HYDIN: variants seen among roughly 807,000 people sequenced by gnomAD.
The protein encoded by HYDIN is axonemal central pair apparatus protein HYDIN.
A neutral mutation model predicts 403.9 loss-of-function variants in HYDIN; 132 were observed. The ratio of observed to expected loss-of-function variants is 0.33; its 90% CI spans 0.28 to 0.38. The LOEUF (loss-of-function observed/expected upper bound fraction) is 0.38. HYDIN is among the 10% of genes least tolerant of loss of function. The pLI is 1.00. For synonymous variants in HYDIN, 1,202 were observed against 1,891.7 expected, an observed-to-expected ratio of 0.64 and a Z score of 9.46; for missense variants, 2,827 against 5,009.5, an observed-to-expected ratio of 0.56 and a Z score of 13.15.
intron 45 of HYDIN, among the ~76,000 whole-genome samples, chr16:70,925,555 G>C (rs2077127047): frequency 6.6e-6 from 1 of 152,122 alleles, no homozygotes; most frequent in Non-Finnish European, 1.5e-5. Flanking sequence ...CATGGGCAAG[G>C]GCTTCATGTC....
intron 1 of HYDIN, among the ~76,000 whole-genome samples, chr16:71,188,174 C>T (rs1597984016): frequency 6.6e-6 from 1 of 151,768 alleles, no homozygotes; most frequent in South Asian, 2.1e-4. Flanking sequence ...TATCTTTTTC[C>T]CCCCGCCCTA....
At chr16:71,139,511 C>A (rs1597867286) in intron 7 of HYDIN, among the ~76,000 whole-genome samples, 1 of 151,400 alleles carries the variant, frequency 6.6e-6, no homozygotes, top group African/African-American at 2.4e-5. Flanking sequence ...ATTGCTGAAG[C>A]CATATGTAGG....
At chr16:71,206,563 T>C (rs2088311056) in intron 1 of HYDIN, among the ~76,000 whole-genome samples, 1 of 152,192 alleles carries the variant, frequency 6.6e-6, no homozygotes, top group Non-Finnish European at 1.5e-5. Flanking sequence ...GCAAGGGTTC[T>C]TAACCAGACT....
At chr16:70,969,033 T>C (rs369663063) in intron 36 of HYDIN, among the ~76,000 whole-genome samples, 34 of 151,706 alleles carry the variant, frequency 2.2e-4, no homozygotes, top group African/African-American at 8.0e-4. Context: ...CAGAATGAAA[T>C]GGATGGAGAA....
intron 22 of HYDIN, among the ~76,000 whole-genome samples, chr16:71,018,851 T>G (rs2144120336): frequency 6.9e-6 from 1 of 144,992 alleles, no homozygotes; most frequent in African/African-American, 2.5e-5. Flanking sequence ...CGTTGTGAAA[T>G]GCCCTTAGGC....
intron 20 of HYDIN, among the ~76,000 whole-genome samples, chr16:71,026,532 G>C (rs982841857): frequency 3.9e-5 from 6 of 151,958 alleles, no homozygotes; most frequent in Non-Finnish European, 8.8e-5. Flanking sequence ...ACAGCTGTCA[G>C]TGTCTTGAGA....
chr16:70,887,059 G>A (rs1163603991), intron 58 of HYDIN, among the ~76,000 whole-genome samples: 4 of 152,062 alleles, frequency 2.6e-5, no homozygotes, highest in African/African-American at 9.7e-5. Context: ...TTTTGTTATG[G>A]TTCCACAGAT....
chr16:71,062,146 C>A (rs767318460), intron 17 of HYDIN, 23 bp downstream of exon 17: 49 of 992,324 alleles, frequency 4.9e-5, no homozygotes, highest in Admixed American at 1.3e-4. Flanking sequence ...ATTTCAATTG[C>A]AGTTCTGAAA....
intron 44 of HYDIN, among the ~76,000 whole-genome samples, chr16:70,937,666 T>C: frequency 2.9e-5 from 2 of 69,704 alleles, no homozygotes; most frequent in African/African-American, 8.5e-5. Flanking sequence ...CAAGAGTCTG[T>C]CTCAAAAAAA....
In HYDIN at chr16:71,230,570, A is replaced by G; in HGVS notation, c.-32T>C. On this transcript the variant is annotated 5_prime_UTR_variant, in exon 1 of 86. Coordinates refer to ENST00000393567, the MANE Select transcript of HYDIN (RefSeq NM_001270974.2). ...CTGCGAGGACCTCTGACCTTGGTGC[A>G]CTCCGGGTCCCACGTTTATTCTACC... 6.5e-7 allele frequency: 1 copy of G among 1,534,866 alleles called. No individual in the cohort carries two copies. Among genetic ancestry groups the G allele is most frequent in the Non-Finnish European group, 8.7e-7 (1 of 1,146,194 alleles).
intron 1 of HYDIN, among the ~76,000 whole-genome samples, chr16:71,204,757 A>C (rs1201334901): frequency 6.6e-6 from 1 of 152,202 alleles, no homozygotes; most frequent in Non-Finnish European, 1.5e-5. Context: ...CTGCTTTCAC[A>C]GGGTTTGGCC....
intron 23 of HYDIN, among the ~76,000 whole-genome samples, chr16:70,996,386 C>T (rs990735022): frequency 6.6e-6 from 1 of 152,160 alleles, no homozygotes; most frequent in African/African-American, 2.4e-5. Context: ...ACAGGAGTGG[C>T]TGTGCTTTAG....
intron 12 of HYDIN, among the ~76,000 whole-genome samples, chr16:71,081,439 G>A (rs1324705774): frequency 2.0e-5 from 3 of 151,878 alleles, no homozygotes; most frequent in East Asian, 3.9e-4. Flanking sequence ...TGAGAACGAC[G>A]TCAACAAACA....
intron 1 of HYDIN, among the ~76,000 whole-genome samples, chr16:71,209,617 A>G (rs954845281): frequency 1.3e-4 from 20 of 152,160 alleles, no homozygotes; most frequent in Non-Finnish European, 4.4e-5. Flanking sequence ...CAGATGACAT[A>G]ATTCTGTATC....
At chr16:71,067,535 GT>G in intron 14 of HYDIN, 145 bp from the exon 15 acceptor site, 1 of 469,808 alleles carries the variant, frequency 2.1e-6, no homozygotes, top group Non-Finnish European at 3.8e-6. Context: ...TAGTTGACAA[GT>G]TACATTGTGG....
intron 1 of HYDIN, among the ~76,000 whole-genome samples, chr16:71,190,224 G>A (rs148893974): frequency 6.6e-6 from 1 of 152,178 alleles, no homozygotes; most frequent in African/African-American, 2.4e-5. Flanking sequence ...AATGTATACA[G>A]TGAACTTGGC....
intron 7 of HYDIN, among the ~76,000 whole-genome samples, chr16:71,139,098 A>G (rs2085063251): frequency 3.8e-5 from 3 of 79,878 alleles, no homozygotes; most frequent in Admixed American, 1.2e-4. Context: ...TAAAGAAGAA[A>G]AAAAAAAAAA....
chr16:70,969,608 TA>T (rs1248089401), intron 36 of HYDIN, among the ~76,000 whole-genome samples: 16 of 152,056 alleles, frequency 1.1e-4, no homozygotes, highest in Non-Finnish European at 2.2e-4. Context: ...TCAGCAGGCA[TA>T]CCCTAACAAC....
intron 45 of HYDIN, among the ~76,000 whole-genome samples, chr16:70,926,230 G>T (rs2077148951): frequency 1.3e-5 from 2 of 151,572 alleles, no homozygotes; most frequent in South Asian, 4.2e-4. Flanking sequence ...AACAATGATA[G>T]ACTGGATTAA....
Sources: gnomAD v4.1 joint callset for allele counts (sites outside exome capture counted in the v4.1 genomes callset) on GRCh38, gnomAD v4.1.1 for gene constraint, MANE v1.5 for transcripts, NCBI Gene and HGNC (gene_info 2026-07-23, HGNC 2026-07-21) for gene names.